The following RAB5C variants were observed in gnomAD, a reference collection of about 807,000 sequenced individuals.
RAB5C encodes ras-related protein Rab-5C.
RAB5C carries 4 observed loss-of-function variants against 25.2 expected under a neutral mutation model. The ratio of observed to expected loss-of-function variants is 0.16; its 90% CI spans 0.08 to 0.36. The LOEUF is 0.36. Ranked by LOEUF, RAB5C falls within the 10% of genes least tolerant of loss-of-function variation. The pLI is 1.00. For synonymous variants in RAB5C, 100 were observed against 106.4 expected (o/e 0.94, Z 0.37); for missense variants, 199 against 283.8 (o/e 0.70, Z 2.15).
chr17:42,130,595 A>G lies in RAB5C; in HGVS notation c.-88-5T>C. Reference sequence around the variant, plus strand: ...AGTGGGGAGGGGGACCTCCAACTGTAAGGGAGAAATGAGAAGTACTGAGTT... The same window carrying G: ...AGTGGGGAGGGGGACCTCCAACTGTGAGGGAGAAATGAGAAGTACTGAGTT... On this transcript the variant is annotated splice_polypyrimidine_tract_variant and splice_region_variant and intron_variant, in intron 1 of 5. Transcript: ENST00000346213. 1 of 1,564,660 alleles carries G rather than the reference A, an allele frequency of 6.4e-7. No individual in the cohort carries two copies. The highest frequency in any genetic ancestry group is 8.7e-7 in the Non-Finnish European group (1 of 1,155,050).
chr17:42,151,078 A>G lies in RAB5C; in HGVS notation c.-89+3815T>C, dbSNP rs899944025. On this transcript the variant is annotated intron_variant, in intron 1 of 5. Transcript: ENST00000346213. ...GAATCAGGATGAGAACTCAGGTCCA[A>G]CTGCCTCTGAAGTTCTAGTGCCTTC... is the stretch of plus-strand genomic sequence containing the variant. Among the ~76,000 whole-genome samples, 11 of 152,300 alleles carry G rather than the reference A, an allele frequency of 7.2e-5. No homozygotes were observed. In the South Asian group the frequency reaches 2.3e-3, roughly 32 times the overall value.
intron 1 of RAB5C, among the ~76,000 whole-genome samples, chr17:42,145,257 G>A (rs2079628993): frequency 6.6e-6 from 1 of 152,180 alleles, no homozygotes; most frequent in African/African-American, 2.4e-5. Context: ...ATAAGTCCCT[G>A]TTCCTTAGGT....
intron 4 of RAB5C, among the ~76,000 whole-genome samples, chr17:42,127,486 G>C (rs2054438146): frequency 6.6e-6 from 1 of 151,810 alleles, no homozygotes; most frequent in African/African-American, 2.4e-5. Context: ...CAAAGAAAGA[G>C]AACCAGGGAG....
intron 1 of RAB5C, chr17:42,131,755 G>C: frequency 1.3e-6 from 1 of 746,336 alleles, no homozygotes; most frequent in East Asian, 2.8e-5. Context: ...CAGCTTCAGA[G>C]GCTCAACTTT....
At chr17:42,130,162 T>C in intron 2 of RAB5C, 175 bp downstream of exon 2, 1 of 817,926 alleles carries the variant, frequency 1.2e-6, no homozygotes, top group Non-Finnish European at 1.8e-6. Flanking sequence ...TTGAGGGGAC[T>C]CTGGCATGGA....
intron 1 of RAB5C, among the ~76,000 whole-genome samples, chr17:42,143,566 G>A (rs1013245938): frequency 2.0e-5 from 3 of 152,156 alleles, no homozygotes; most frequent in African/African-American, 7.2e-5. Flanking sequence ...GAATCTGGGA[G>A]GCAGAGGCTG....
At chr17:42,144,699 C>T (rs1414757322) in intron 1 of RAB5C, among the ~76,000 whole-genome samples, 3 of 151,690 alleles carry the variant, frequency 2.0e-5, no homozygotes, top group Non-Finnish European at 4.4e-5. Flanking sequence ...GAGGCTGAGG[C>T]GGGCGGATCA....
intron 1 of RAB5C, chr17:42,131,586 T>C (rs1442445325): frequency 6.5e-7 from 1 of 1,528,306 alleles, no homozygotes; most frequent in Admixed American, 2.0e-5. Context: ...AGCTACCAAC[T>C]TTCCCTTTTT....
intron 1 of RAB5C, among the ~76,000 whole-genome samples, chr17:42,130,963 T>TAAAAC (rs969219581): frequency 2.1e-4 from 32 of 151,964 alleles, no homozygotes; most frequent in East Asian, 7.8e-4. Context: ...GGGGCAAAAT[T>TAAAAC]AAAACAAAAC....
intron 1 of RAB5C, among the ~76,000 whole-genome samples, chr17:42,152,085 C>T (rs1010799769): frequency 6.6e-6 from 1 of 151,604 alleles, no homozygotes; most frequent in Non-Finnish European, 1.5e-5. Flanking sequence ...GTTCCTTCTG[C>T]ATCCCTTCTA....
chr17:42,149,948 G>C (rs946062861), intron 1 of RAB5C, among the ~76,000 whole-genome samples: 9 of 145,602 alleles, frequency 6.2e-5, no homozygotes, highest in African/African-American at 2.3e-4. Context: ...GTGCAATCTC[G>C]GCTCACTGCA....
At chr17:42,140,509 ATATATATTTTTTTTTTTT>A (rs1443377929) in intron 1 of RAB5C, among the ~76,000 whole-genome samples, 39 of 36,202 alleles carry the variant, frequency 1.1e-3, no homozygotes, top group African/African-American at 9.2e-3. Context: ...ATATATATAT[ATATATATTTTTTTTTTTT>A]TTTTTTTTTT....
chr17:42,128,855 C>A, intron 2 of RAB5C, 55 bp from the exon 3 acceptor site: 1 of 1,371,714 alleles, frequency 7.3e-7, no homozygotes, highest in Non-Finnish European at 9.5e-7. Flanking sequence ...CCACCCCACA[C>A]AATCCCACTG....
At chr17:42,146,343 T>C (rs180820329) in intron 1 of RAB5C, among the ~76,000 whole-genome samples, 1 of 152,236 alleles carries the variant, frequency 6.6e-6, no homozygotes, top group Non-Finnish European at 1.5e-5. Context: ...GGGAAAACTA[T>C]GTGTGAGGGA....
chr17:42,151,915 C>T lies in RAB5C; in HGVS notation c.-89+2978G>A, dbSNP rs540198570. On this transcript the variant is annotated intron_variant, in intron 1 of 5. Transcript: ENST00000346213. Reference sequence around the variant, plus strand: ...GAGGGCTAAAGAGTTAAGAGTCTGCCCTTGTGCCGTGGCGCACTCAGTCTG... The same window carrying T: ...GAGGGCTAAAGAGTTAAGAGTCTGCTCTTGTGCCGTGGCGCACTCAGTCTG... Among the ~76,000 whole-genome samples, 9 of 152,192 alleles carry T rather than the reference C, an allele frequency of 5.9e-5. No homozygotes were observed. In the South Asian group the frequency reaches 1.9e-3, roughly 32 times the overall value.
intron 1 of RAB5C, among the ~76,000 whole-genome samples, chr17:42,144,925 C>CAAAAAAAA (rs544870361): frequency 1.9e-4 from 6 of 31,102 alleles, no homozygotes; most frequent in Non-Finnish European, 3.3e-4. Flanking sequence ...GACTCCGTCT[C>CAAAAAAAA]AAAAAAAAAA....
chr17:42,125,744 A>C lies in RAB5C; in HGVS notation c.*39T>G. The stretch of plus-strand genomic sequence containing the variant: ...AGAGTGGATTCCAGTCGGGTCATTC[A>C]GGCGGAGGAGGCGGGGGCAGCGGGC... On this transcript the variant is annotated 3_prime_UTR_variant, in exon 6 of 6. Coordinates refer to ENST00000346213, the MANE Select transcript of RAB5C (RefSeq NM_004583.4). 1 of 1,439,480 alleles carries C rather than the reference A, an allele frequency of 6.9e-7. No individual in the cohort carries two copies. The highest frequency in any genetic ancestry group is 9.5e-7 in the Non-Finnish European group (1 of 1,048,826). The allele number at this position is 1,439,480 out of a possible 1,614,324, so 89.2% of individuals were successfully genotyped here. A position where few individuals can be genotyped will look rare whatever the true frequency, so the allele number is the denominator to read the frequency against.
At chr17:42,145,521 T>G (rs2079630480) in intron 1 of RAB5C, among the ~76,000 whole-genome samples, 1 of 152,206 alleles carries the variant, frequency 6.6e-6, no homozygotes, top group Admixed American at 6.5e-5. Flanking sequence ...CAGCCAGGCG[T>G]GTTAGCTCAC....
intron 1 of RAB5C, among the ~76,000 whole-genome samples, chr17:42,149,456 C>T (rs1401939509): frequency 6.6e-6 from 1 of 152,078 alleles, no homozygotes; most frequent in Non-Finnish European, 1.5e-5. Context: ...GTGGTACATG[C>T]CTACAGTCCC....
Sources: gnomAD v4.1 joint callset for allele counts (sites outside exome capture counted in the v4.1 genomes callset) on GRCh38, gnomAD v4.1.1 for gene constraint, MANE v1.5 for transcripts, NCBI Gene and HGNC (gene_info 2026-07-23, HGNC 2026-07-21) for gene names.